The following NME9 variants were observed in gnomAD, a reference collection of about 807,000 sequenced individuals.
NME9 encodes thioredoxin domain-containing protein 6.
A neutral mutation model predicts 44.4 loss-of-function variants in NME9; 48 were observed. That is an observed-to-expected ratio of 1.08 (90% CI 0.86 to 1.37). NME9 has a LOEUF of 1.37. NME9 is among the 40% of genes most tolerant of loss of function. The probability of loss-of-function intolerance (pLI) is 0.00; values close to 1 mark genes in which losing one functional copy is unlikely to be tolerated. For missense variants in NME9, 325 were observed against 405.2 expected, an observed-to-expected ratio of 0.80 and a Z score of 1.70; for synonymous variants, 139 against 147.1, an observed-to-expected ratio of 0.94 and a Z score of 0.40.
In NME9 at chr3:138,286,638, C is replaced by T. The variant is rs530302778; in HGVS notation, c.745+16869G>A. ...AGATTACTGCTTTGTCTCCTCCCTC[C>T]CAAGATTCTTATTTAATAGATCTAG... On this transcript the variant is annotated intron_variant, in intron 8 of 8. Transcript: ENST00000317876. Among the ~76,000 whole-genome samples, 3 of 152,262 alleles carry T rather than the reference C, an allele frequency of 2.0e-5. No homozygotes were observed. The East Asian group carries it at 5.8e-4, about 29-fold the overall frequency.
At chr3:138,305,068 G>A (rs895137622) in intron 8 of NME9, 41 bp from the exon 9 acceptor site, 4 of 1,583,050 alleles carry the variant, frequency 2.5e-6, no homozygotes, top group Non-Finnish European at 3.5e-6. Flanking sequence ...GGCAGGAGCT[G>A]CTAGGGCCTG....
intron 1 of NME9, among the ~76,000 whole-genome samples, chr3:138,326,443 G>A (rs2053790916): frequency 6.6e-6 from 1 of 151,996 alleles, no homozygotes; most frequent in East Asian, 1.9e-4. Flanking sequence ...TTTTTTGTTT[G>A]TCTTTTTTGA....
Position 138,329,507 on chromosome 3 carries a change from A to C in NME9, c.-172T>G. The C allele has an allele frequency of 7.0e-7, 1 of 1,435,668 alleles. No homozygotes were observed. The highest frequency in any genetic ancestry group is 9.1e-7 in the Non-Finnish European group (1 of 1,100,392). The allele number at this position is 1,435,668 out of a possible 1,614,324, so 88.9% of individuals were successfully genotyped here. On this transcript the variant is annotated 5_prime_UTR_variant, in exon 1 of 11. Coordinates refer to ENST00000333911, the MANE Select transcript of NME9 (RefSeq NM_001349018.2). The stretch of plus-strand genomic sequence containing the variant: ...CTTCTAACTGGCGGCAAATCAGCAC[A>C]CTGATACAAAGTGAACACCCCGCGA...
chr3:138,300,164 A>G (rs2051765914), downstream of NME9, among the ~76,000 whole-genome samples: 1 of 152,176 alleles, frequency 6.6e-6, no homozygotes, highest in Non-Finnish European at 1.5e-5. Flanking sequence ...GAGATCCTGT[A>G]CAGGTTCCGA....
chr3:138,305,694 C>T (rs562221365), intron 8 of NME9, among the ~76,000 whole-genome samples: 3 of 152,336 alleles, frequency 2.0e-5, no homozygotes, highest in South Asian at 2.1e-4. Context: ...GGCTTTGCTT[C>T]GAGATCCCTA....
chr3:138,295,613 GC>G (rs1445295511), intron 8 of NME9, among the ~76,000 whole-genome samples: 2 of 152,216 alleles, frequency 1.3e-5, no homozygotes, highest in Non-Finnish European at 2.9e-5. Flanking sequence ...CTGAGCTGCA[GC>G]AGGTTTAAGT....
Position 138,309,995 on chromosome 3 carries a change from C to T in NME9, c.461-3515G>A, listed in dbSNP as rs139691261. ...TGAGCCAAGATCATGCTAGCCTGGGCGACGAGTGAAACTCCATCTCAAAAA... is the reference window on the plus strand; with the variant it reads ...TGAGCCAAGATCATGCTAGCCTGGGTGACGAGTGAAACTCCATCTCAAAAA... On this transcript the variant is annotated intron_variant, in intron 6 of 10. Coordinates refer to ENST00000333911, the MANE Select transcript of NME9 (RefSeq NM_001349018.2). 1.5e-4 allele frequency among the ~76,000 whole-genome samples: 23 copies of T among 150,910 alleles called. No individual in the cohort carries two copies. The East Asian group carries it at 3.5e-3, about 23-fold the overall frequency.
At chr3:138,274,849 A>C (rs1311971906) in intron 8 of NME9, among the ~76,000 whole-genome samples, 1 of 152,174 alleles carries the variant, frequency 6.6e-6, no homozygotes, top group African/African-American at 2.4e-5. Flanking sequence ...TCCAGGATAA[A>C]TAAGTGATTT....
At chr3:138,286,433 C>T (rs887455991) in intron 8 of NME9, among the ~76,000 whole-genome samples, 33 of 152,196 alleles carry the variant, frequency 2.2e-4, no homozygotes, top group African/African-American at 8.0e-4. Flanking sequence ...CCACTTACAG[C>T]AGACTTCAAC....
chr3:138,285,476 A>G (rs2050321093), intron 8 of NME9, among the ~76,000 whole-genome samples: 1 of 152,196 alleles, frequency 6.6e-6, no homozygotes, highest in Non-Finnish European at 1.5e-5. Context: ...CAAAAAGGCC[A>G]CGTTCTTTCC....
At chr3:138,276,805 T>C (rs886160148) in intron 8 of NME9, among the ~76,000 whole-genome samples, 1 of 152,170 alleles carries the variant, frequency 6.6e-6, no homozygotes, top group African/African-American at 2.4e-5. Flanking sequence ...AAAATGTTGG[T>C]TCTCCCCAAG....
chr3:138,263,120 C>T (rs1200122042), intron 8 of NME9, among the ~76,000 whole-genome samples: 2 of 152,208 alleles, frequency 1.3e-5, no homozygotes, highest in African/African-American at 4.8e-5. Flanking sequence ...AATTCAGTTT[C>T]CTTCACACAC....
intron 8 of NME9, among the ~76,000 whole-genome samples, chr3:138,272,494 G>A (rs1432810338): frequency 2.0e-5 from 3 of 152,098 alleles, no homozygotes; most frequent in Non-Finnish European, 4.4e-5. Flanking sequence ...TTCTCTTGAC[G>A]GACAGAAATA....
At chr3:138,295,963 T>C in intron 8 of NME9, 1 of 1,537,812 alleles carries the variant, frequency 6.5e-7, no homozygotes, top group East Asian at 2.3e-5. Flanking sequence ...CAGCCTCATT[T>C]GATTCCTTCT....
chr3:138,262,390 C>A, exon 9 of NME9: 2 of 878,358 alleles, frequency 2.3e-6, no homozygotes, highest in Non-Finnish European at 3.5e-6. Flanking sequence ...TAATCTACAG[C>A]TAAAATGTGG....
At chr3:138,273,447 G>A (rs1440478187) in intron 8 of NME9, among the ~76,000 whole-genome samples, 2 of 152,018 alleles carry the variant, frequency 1.3e-5, no homozygotes, top group African/African-American at 2.4e-5. Context: ...TTTCTCATCT[G>A]CCTAAATCAC....
chr3:138,284,196 A>G (rs1284705760), intron 8 of NME9, among the ~76,000 whole-genome samples: 2 of 152,238 alleles, frequency 1.3e-5, no homozygotes, highest in Admixed American at 6.5e-5. Flanking sequence ...ATGGCTTCCC[A>G]TAGCTCAGGA....
At chr3:138,308,651 G>A (rs553433029) in intron 6 of NME9, among the ~76,000 whole-genome samples, 91 of 152,154 alleles carry the variant, frequency 6.0e-4, no homozygotes, top group Non-Finnish European at 1.2e-3. Context: ...CATTGCTTTC[G>A]ATTATTGGTG....
intron 8 of NME9, chr3:138,284,558 A>C (rs750459144): frequency 6.8e-7 from 1 of 1,463,832 alleles, no homozygotes; most frequent in East Asian, 2.3e-5. Context: ...CCGTAGGATT[A>C]GAATGCAGGG....
Sources: allele counts gnomAD v4.1 joint callset (sites outside exome capture counted in the v4.1 genomes callset), GRCh38; gene constraint gnomAD v4.1.1; transcripts MANE v1.5; gene names NCBI Gene and HGNC (gene_info 2026-07-23, HGNC 2026-07-21).